AGBL2: variants seen among roughly 807,000 people sequenced by gnomAD.
AGBL2 encodes cytosolic carboxypeptidase 2.
Under a neutral mutation model 103.0 loss-of-function variants are expected in AGBL2, and 87 were observed. That is an observed-to-expected ratio of 0.84 (90% CI 0.71 to 1.01). The LOEUF (loss-of-function observed/expected upper bound fraction) is 1.01. AGBL2 is among the 50% of genes least tolerant of loss of function. AGBL2 has a pLI of 0.00. For synonymous variants in AGBL2, 335 were observed against 356.7 expected, an observed-to-expected ratio of 0.94 and a Z score of 0.69; for missense variants, 904 against 1,023.5, an observed-to-expected ratio of 0.88 and a Z score of 1.59.
chr11:47,712,834 C>T (rs929828505), intron 3 of AGBL2, among the ~76,000 whole-genome samples: 9 of 151,858 alleles, frequency 5.9e-5, no homozygotes, highest in Admixed American at 3.9e-4. Context: ...GAGGTCAGTT[C>T]GAGACCAGCC....
intron 14 of AGBL2, among the ~76,000 whole-genome samples, chr11:47,670,993 A>G (rs953624405): frequency 7.1e-6 from 1 of 141,516 alleles, no homozygotes; most frequent in Non-Finnish European, 1.6e-5. Context: ...CACTCTTTCT[A>G]AAAAAAAAAA....
intron 7 of AGBL2, among the ~76,000 whole-genome samples, chr11:47,701,134 G>C (rs771410516): frequency 1.4e-4 from 21 of 151,806 alleles, no homozygotes; most frequent in Admixed American, 2.0e-4. Context: ...TTGTTAATAA[G>C]TTTCTTTGAA....
At chr11:47,697,439 C>T (rs2097479367) in intron 8 of AGBL2, among the ~76,000 whole-genome samples, 1 of 151,790 alleles carries the variant, frequency 6.6e-6, no homozygotes, top group Non-Finnish European at 1.5e-5. Flanking sequence ...GGGGTTTCAC[C>T]ATGTTAGCCA....
At chr11:47,664,184 C>A (rs559193978) in intron 17 of AGBL2, among the ~76,000 whole-genome samples, 1 of 151,972 alleles carries the variant, frequency 6.6e-6, no homozygotes, top group African/African-American at 2.4e-5. Flanking sequence ...TAGTGTTTCA[C>A]ATGAGGAGGG....
Position 47,692,103 on chromosome 11 carries a change from A to G in AGBL2, c.848T>C (p.Val283Ala). 1.2e-6 allele frequency: 2 copies of G among 1,608,910 alleles called. No homozygotes were observed. The highest frequency in any genetic ancestry group is 1.7e-6 in the Non-Finnish European group (2 of 1,176,522). The change falls in exon 9 of 19, where the codon GTA (valine) becomes GCA (alanine). Residue 283 changes from valine to alanine, a missense_variant and splice_region_variant. By Grantham distance (64) the Val-to-Ala change is moderately conservative (BLOSUM62 0). Transcript: ENST00000525123. ...ESGNLQKAVR[V>A]DTYEYELTLR... ...ATCCCTTTGAGAAATTGTTACTCAC[A>G]CTCTGACAGCTTTTTGCAGATTCCC...
Position 47,714,335 on chromosome 11 carries a change from G to C in AGBL2, c.46C>G (p.Pro16Ala). 3 of 1,612,358 alleles carry C rather than the reference G, an allele frequency of 1.9e-6. No individual in the cohort carries two copies. The highest frequency in any genetic ancestry group is 2.5e-6 in the Non-Finnish European group (3 of 1,179,262). Residue 16 changes from proline (P) to alanine (A), a missense_variant, in exon 3 of 19, where the codon CCT becomes GCT. Transcript: ENST00000525123. Reference sequence around the variant, plus strand: ...TGACGGTACATAAAGTCTTCATAAGGATCAGGAATAGTCTGTGAAAGGAAA... The same window carrying C: ...TGACGGTACATAAAGTCTTCATAAGCATCAGGAATAGTCTGTGAAAGGAAA... ...ETHLKQTIPDPYEDFMYRHLQ... is the reference protein window; with the variant it reads ...ETHLKQTIPDAYEDFMYRHLQ...
At chr11:47,684,235 T>C (rs2097414518) in intron 11 of AGBL2, among the ~76,000 whole-genome samples, 1 of 151,660 alleles carries the variant, frequency 6.6e-6, no homozygotes, top group Non-Finnish European at 1.5e-5. Context: ...ATCGTGTTAC[T>C]GCACGATCTG....
At chr11:47,678,518 A>G (rs1355367101) in intron 13 of AGBL2, among the ~76,000 whole-genome samples, 1 of 147,602 alleles carries the variant, frequency 6.8e-6, no homozygotes, top group Non-Finnish European at 1.5e-5. Context: ...TATTTTTAGT[A>G]GAGATGGGGG....
At chr11:47,681,821 T>C in intron 12 of AGBL2, 148 bp downstream of exon 12, 1 of 953,290 alleles carries the variant, frequency 1.0e-6, no homozygotes, top group Non-Finnish European at 1.5e-6. Flanking sequence ...CACATTCATA[T>C]GTTGGGCACT....
At chr11:47,670,034 T>C (rs769018446) in intron 14 of AGBL2, among the ~76,000 whole-genome samples, 1 of 152,240 alleles carries the variant, frequency 6.6e-6, no homozygotes, top group Non-Finnish European at 1.5e-5. Flanking sequence ...ACCAAAGAGT[T>C]TGCAGTCCAT....
rs1325199165 is a variant in AGBL2, at chr11:47,682,081, A to G, written c.1803T>C (p.Ser601=). The change falls in exon 12 of 19, where the codon AGT becomes AGC. Residue 601 remains serine, a synonymous_variant. Transcript: ENST00000525123. ...TGCATTTTTGGACCTTAAAATTACA[A>G]CTGTGAAAAGAGAACTAAAAAGAAA... ...KNAPDKFSFH[S]CNFKVQKCKE... is the part of the protein sequence containing the mutation. 1.2e-5 allele frequency: 19 copies of G among 1,613,960 alleles called. No homozygotes were observed. Among genetic ancestry groups the G allele is most frequent in the Non-Finnish European group, 1.6e-5 (19 of 1,179,938 alleles).
At chr11:47,662,714 GA>G (rs1380600273) in intron 18 of AGBL2, among the ~76,000 whole-genome samples, 35 of 152,132 alleles carry the variant, frequency 2.3e-4, no homozygotes, top group African/African-American at 8.0e-4. Context: ...GGCTGGTCTT[GA>G]ACTCCTGACC....
intron 10 of AGBL2, 89 bp downstream of exon 10, chr11:47,689,987 C>T: frequency 8.5e-7 from 1 of 1,181,728 alleles, no homozygotes. Flanking sequence ...CCTTTAACAA[C>T]AGAAGAGACC....
rs150589056 is a variant in AGBL2, at chr11:47,704,439, C to T, written c.586+104G>A. 2.0e-3 allele frequency: 1,908 copies of T among 961,004 alleles called. 26 individuals are homozygous for T. The African/African-American group carries it at 0.027, about 14-fold the overall frequency. 59.5% of individuals were successfully genotyped at this position (961,004 alleles called of 1,614,324 possible). On this transcript the variant is annotated intron_variant, in intron 7 of 18. Coordinates refer to ENST00000525123, the MANE Select transcript of AGBL2 (RefSeq NM_024783.4). ...CAGAGGTTGCAGTGAGCTGAGATTG[C>T]GCCATTGCACTCCAGCCTGGGAAAT...
intron 4 of AGBL2, among the ~76,000 whole-genome samples, chr11:47,706,810 A>G (rs547206080): frequency 8.4e-4 from 122 of 145,050 alleles, no homozygotes; most frequent in African/African-American, 2.7e-3. Context: ...GCACTTTGGG[A>G]GGCCAAGGCA....
chr11:47,669,853 C>T (rs980496243), intron 14 of AGBL2, among the ~76,000 whole-genome samples: 3 of 152,148 alleles, frequency 2.0e-5, no homozygotes, highest in Non-Finnish European at 4.4e-5. Context: ...CTTCATGATC[C>T]TCCCGCCTCG....
At position 47,705,653 on chromosome 11, in the gene AGBL2, A is replaced by AG. The variant is rs1554967443; in HGVS notation, c.287-20_287-19insC. On this transcript the variant is annotated intron_variant, in intron 5 of 18. Transcript: ENST00000525123. ...TGAAAGTCTGTGTCAAAAAAAAAAA[A>AG]AAAAGAAAAAGAAAAAGAAGAAAGG... 2 of 583,586 alleles carry AG rather than the reference A, an allele frequency of 3.4e-6. No individual in the cohort carries two copies. Among genetic ancestry groups the AG allele is most frequent in the African/African-American group, 3.8e-5 (2 of 53,178 alleles). The allele number at this position is 583,586 out of a possible 1,614,324, so 36.2% of individuals were successfully genotyped here. A position where few individuals can be genotyped will look rare whatever the true frequency, so the allele number is the denominator to read the frequency against.
chr11:47,662,027 G>A (rs1235919158), intron 18 of AGBL2, among the ~76,000 whole-genome samples: 2 of 151,926 alleles, frequency 1.3e-5, no homozygotes, highest in African/African-American at 4.8e-5. Context: ...GGGATTACAG[G>A]CATAAGCCAC....
intron 3 of AGBL2, among the ~76,000 whole-genome samples, chr11:47,712,230 T>G (rs1452226422): frequency 1.3e-5 from 2 of 152,156 alleles, no homozygotes; most frequent in Non-Finnish European, 2.9e-5. Context: ...GATTTAGTAC[T>G]ATCAGTGGTT....
Sources: allele counts gnomAD v4.1 joint callset (sites outside exome capture counted in the v4.1 genomes callset), GRCh38; gene constraint gnomAD v4.1.1; transcripts MANE v1.5; gene names NCBI Gene and HGNC (gene_info 2026-07-23, HGNC 2026-07-21).